The following IL3RA variants were observed in gnomAD, a reference collection of about 807,000 sequenced individuals.
The protein encoded by IL3RA is interleukin 3 receptor subunit alpha.
In IL3RA, 73 loss-of-function variants were observed where a neutral mutation model predicts 52.3. The observed-to-expected ratio is 1.40, with a 90% CI of 1.16 to 1.70. IL3RA has a LOEUF of 1.70. Among genes scored for constraint, IL3RA ranks in the 40% most tolerant of loss-of-function variants. The pLI is 0.00. For synonymous variants in IL3RA, 260 were observed against 194.0 expected (o/e 1.34, Z -2.83); for missense variants, 664 against 504.4 (o/e 1.32, Z -3.03).
chrX:1,348,644 C>CTCTTTCTTTCTTTCTTTCTTTCTTTCTT lies in IL3RA; in HGVS notation c.298+121_298+148dup, dbSNP rs762100895. 3.0e-5 allele frequency: 15 copies of CTCTTTCTTTCTTTCTTTCTTTCTTTCTT among 496,824 alleles called. 1 individual carries two copies. Among genetic ancestry groups the CTCTTTCTTTCTTTCTTTCTTTCTTTCTT allele is most frequent in the East Asian group, 1.3e-4 (4 of 31,510 alleles). 30.8% of individuals were successfully genotyped at this position (496,824 alleles called of 1,614,324 possible). On this transcript the variant is annotated intron_variant, in intron 4 of 11. Transcript: ENST00000331035. ...GCTGTGTCTTTTTTCTTTTCTTTTTCTCTTTCTTTCTTTCTTTCTTTCTTT... is the reference window on the plus strand; with the variant it reads ...GCTGTGTCTTTTTTCTTTTCTTTTTCTCTTTCTTTCTTTCTTTCTTTCTTTCTTTCTTTCTTTCTTTCTTTCTTTCTTT...
At chrX:1,347,821 G>C (rs1167640180) in intron 3 of IL3RA, among the ~76,000 whole-genome samples, 1 of 143,128 alleles carries the variant, frequency 7.0e-6, no homozygotes, top group Non-Finnish European at 1.5e-5. Flanking sequence ...GGTGGATCAC[G>C]AGGTCAGGAG....
intron 10 of IL3RA, among the ~76,000 whole-genome samples, chrX:1,380,660 G>A (rs1318479143): frequency 1.1e-5 from 1 of 91,310 alleles, no homozygotes; most frequent in Non-Finnish European, 2.3e-5. Context: ...AGAGGGAGGG[G>A]TAGGGGGGAA....
intron 8 of IL3RA, among the ~76,000 whole-genome samples, chrX:1,364,119 C>A (rs1296779014): frequency 6.6e-6 from 1 of 150,558 alleles, no homozygotes; most frequent in Non-Finnish European, 1.5e-5. Context: ...ACCCGGGAAG[C>A]GGAGCTTGCA....
intron 8 of IL3RA, among the ~76,000 whole-genome samples, chrX:1,363,858 T>TA (rs2087690920): frequency 6.7e-6 from 1 of 150,026 alleles, no homozygotes; most frequent in South Asian, 2.3e-4. Context: ...TAGCTGAAAC[T>TA]ACAGGCGTTT....
chrX:1,380,739 C>G (rs1470651831), intron 10 of IL3RA, among the ~76,000 whole-genome samples: 2 of 150,800 alleles, frequency 1.3e-5, no homozygotes, highest in Non-Finnish European at 3.0e-5. Context: ...TGTCTCAGGT[C>G]GTAAACTCAG....
Position 1,378,714 on chromosome X carries a change from C to A in IL3RA, c.930C>A (p.Ile310=). The change falls in exon 10 of 12, where the codon ATC becomes ATA. Residue 310 remains isoleucine (I), a synonymous_variant. Coordinates refer to ENST00000331035, the MANE Select transcript of IL3RA (RefSeq NM_002183.4). The part of the protein sequence containing the change: ...NTRAWRTSLL[I]ALGTLLALVC... ...GTGCCTGGCGGACGTCGCTGCTGAT[C>A]GCGCTGGGGACGCTGCTGGCCCTGG... 1.2e-6 allele frequency: 2 copies of A among 1,612,678 alleles called. No homozygotes were observed. The highest frequency in any genetic ancestry group is 1.3e-5 in the African/African-American group (1 of 75,024).
chrX:1,348,642 TTCTC>T (rs368362819), intron 4 of IL3RA, 97 bp downstream of exon 4: 8 of 601,210 alleles, frequency 1.3e-5, no homozygotes, highest in East Asian at 8.8e-5. Context: ...TCTTTTCTTT[TTCTC>T]TTTCTTTCTT....
At chrX:1,342,173 T>C (rs1258376764) in intron 2 of IL3RA, among the ~76,000 whole-genome samples, 1 of 152,182 alleles carries the variant, frequency 6.6e-6, no homozygotes, top group East Asian at 1.9e-4. Context: ...TTTCTTATTA[T>C]TTTTATTTTG....
chrX:1,379,668 G>C (rs1328631220), intron 10 of IL3RA, among the ~76,000 whole-genome samples: 8 of 152,242 alleles, frequency 5.3e-5, no homozygotes, highest in Non-Finnish European at 1.0e-4. Flanking sequence ...AAGGGGCCTG[G>C]GCGAACGTCA....
At chrX:1,343,558 T>C (rs2085578395) in intron 2 of IL3RA, among the ~76,000 whole-genome samples, 1 of 148,586 alleles carries the variant, frequency 6.7e-6, no homozygotes, top group Non-Finnish European at 1.5e-5. Flanking sequence ...TCCCTGCTAC[T>C]CAGGAGGCTG....
At chrX:1,358,918 T>C (rs1182870336) in intron 8 of IL3RA, 31 bp downstream of exon 8, 3 of 1,583,810 alleles carry the variant, frequency 1.9e-6, no homozygotes, top group Non-Finnish European at 2.6e-6. Flanking sequence ...GCCGCTGTAC[T>C]TGACATTGCA....
At chrX:1,356,199 A>G (rs773386238) in intron 6 of IL3RA, 22 bp from the exon 7 acceptor site, 18 of 1,395,800 alleles carry the variant, frequency 1.3e-5, no homozygotes, top group Admixed American at 3.7e-5. Flanking sequence ...CTAAATCCTA[A>G]AAGTGTTTTT....
At chrX:1,344,887 G>A (rs1385862183) in intron 2 of IL3RA, among the ~76,000 whole-genome samples, 1 of 148,800 alleles carries the variant, frequency 6.7e-6, no homozygotes, top group East Asian at 2.1e-4. Flanking sequence ...TGTTGACCTG[G>A]TGCGGTGGCT....
At chrX:1,349,765 C>T (rs758228796) in intron 4 of IL3RA, among the ~76,000 whole-genome samples, 4 of 152,098 alleles carry the variant, frequency 2.6e-5, no homozygotes, top group African/African-American at 7.2e-5. Context: ...CGGGTTCAAG[C>T]GATTCTCCTG....
chrX:1,339,515 C>T (rs1480145986), intron 1 of IL3RA, among the ~76,000 whole-genome samples: 2 of 152,066 alleles, frequency 1.3e-5, no homozygotes, highest in South Asian at 2.1e-4. Context: ...GATGTTAGGC[C>T]GGGCGCGGTG....
intron 8 of IL3RA, among the ~76,000 whole-genome samples, chrX:1,363,323 C>T (rs370045553): frequency 3.5e-4 from 46 of 130,632 alleles, no homozygotes; most frequent in East Asian, 2.4e-3. Flanking sequence ...TTTTTTGAGA[C>T]GGAGTCTCGC....
chrX:1,345,691 T>C (rs7391266), intron 3 of IL3RA, among the ~76,000 whole-genome samples: 5,861 of 151,588 alleles, frequency 0.039, 336 homozygotes, highest in African/African-American at 0.12. Context: ...GGGGTTTCAC[T>C]GTGTTAGCCA....
chrX:1,348,843 T>G (rs1183899104), intron 4 of IL3RA, among the ~76,000 whole-genome samples: 1 of 139,208 alleles, frequency 7.2e-6, no homozygotes, highest in Non-Finnish European at 1.5e-5. Flanking sequence ...TCCTCCCTCC[T>G]CCTTCCCACC....
At chrX:1,349,500 T>C (rs1369378639) in intron 4 of IL3RA, among the ~76,000 whole-genome samples, 1 of 151,720 alleles carries the variant, frequency 6.6e-6, no homozygotes, top group Non-Finnish European at 1.5e-5. Context: ...TTTGTAGAGA[T>C]GGGGTGTCGC....
Sources: allele counts gnomAD v4.1 joint callset (sites outside exome capture counted in the v4.1 genomes callset), GRCh38; gene constraint gnomAD v4.1.1; transcripts MANE v1.5; gene names NCBI Gene and HGNC (gene_info 2026-07-23, HGNC 2026-07-21).